PROCR: variants seen among roughly 807,000 people sequenced by gnomAD.
PROCR encodes the protein protein C receptor.
A neutral mutation model predicts 24.2 loss-of-function variants in PROCR; 22 were observed. That is an observed-to-expected ratio of 0.91 (90% CI 0.65 to 1.30). PROCR has a LOEUF of 1.30. Ranked by LOEUF, PROCR falls within the 50% of genes most tolerant of loss-of-function variation. The pLI, the probability that PROCR is intolerant of heterozygous loss-of-function variation, is 0.00. For missense variants in PROCR, 288 were observed against 307.7 expected (o/e 0.94, Z 0.48); for synonymous variants, 137 against 139.2 (o/e 0.98, Z 0.11).
chr20:35,210,647 T>A (rs1203308461), intron 1 of PROCR, among the ~76,000 whole-genome samples: 3 of 152,212 alleles, frequency 2.0e-5, no homozygotes, highest in Non-Finnish European at 1.5e-5. Context: ...AACTTTTTTT[T>A]AATTGCCCCG....
At chr20:35,207,483 A>G (rs6058204) in intron 1 of PROCR, among the ~76,000 whole-genome samples, 20 of 151,322 alleles carry the variant, frequency 1.3e-4, no homozygotes, top group African/African-American at 4.6e-4. Flanking sequence ...CAGATTTTGT[A>G]TTTGTACAAT....
intron 1 of PROCR, among the ~76,000 whole-genome samples, chr20:35,215,279 T>C (rs531580564): frequency 1.3e-5 from 2 of 152,174 alleles, no homozygotes; most frequent in African/African-American, 2.4e-5. Context: ...TTTGAACACG[T>C]GTGTGGTAAT....
Position 35,176,699 on chromosome 20 carries a change from GAGCCAAACA to G in PROCR, c.608_616del (p.Gln203_Ser205del), listed in dbSNP as rs1600735403. The G allele has an allele frequency of 6.2e-7, 1 of 1,607,800 alleles. No homozygotes were observed. Among genetic ancestry groups the G allele is most frequent in the Non-Finnish European group, 8.5e-7 (1 of 1,177,026 alleles). ...GCTAACTCTTTGCATGTTCTGCAGGGAGCCAAACAAGCCGCTCCTACACTTCGCTGGTCC... is the reference window on the plus strand; with the variant it reads ...GCTAACTCTTTGCATGTTCTGCAGGGAGCCGCTCCTACACTTCGCTGGTCC... On this transcript the variant is annotated inframe_deletion and splice_region_variant, in exon 4 of 4. Transcript: ENST00000216968.
chr20:35,177,272 A>G lies in PROCR; in HGVS notation c.*459A>G. 1 of 1,007,106 alleles carries G rather than the reference A, an allele frequency of 9.9e-7. No homozygotes were observed. Among genetic ancestry groups the G allele is most frequent in the Non-Finnish European group, 1.2e-6 (1 of 841,596 alleles). The allele number at this position is 1,007,106 out of a possible 1,614,324, so 62.4% of individuals were successfully genotyped here. ...AATAGGGTAGAAAGAAGTAACACGA[A>G]GAAGTGGTGGAAATGTAAAATCCAA... On this transcript the variant is annotated 3_prime_UTR_variant, in exon 4 of 4. Transcript: ENST00000216968.
intron 1 of PROCR, among the ~76,000 whole-genome samples, chr20:35,212,287 G>A (rs1319333919): frequency 6.6e-6 from 1 of 152,196 alleles, no homozygotes; most frequent in African/African-American, 2.4e-5. Context: ...GTGTCCAAGT[G>A]ACACTCAAGG....
At chr20:35,214,729 C>T (rs1316182321) in intron 1 of PROCR, among the ~76,000 whole-genome samples, 1 of 151,682 alleles carries the variant, frequency 6.6e-6, no homozygotes, top group South Asian at 2.1e-4. Flanking sequence ...GCATAGTGTC[C>T]CATTGTATGC....
Position 35,176,756 on chromosome 20 carries a change from C to T in PROCR, c.660C>T (p.Phe220=), listed in dbSNP as rs2086023819. 1 of 1,614,050 alleles carries T rather than the reference C, an allele frequency of 6.2e-7. No individual in the cohort carries two copies. The highest frequency in any genetic ancestry group is 8.5e-7 in the Non-Finnish European group (1 of 1,179,998). The change falls in exon 4 of 4, where the codon TTC becomes TTT. Residue 220 remains phenylalanine (F), a synonymous_variant. Coordinates refer to ENST00000216968, the MANE Select transcript of PROCR (RefSeq NM_006404.5). ...TCCTGGGCGTCCTGGTGGGCAGTTT[C>T]ATCATTGCTGGTGTGGCTGTAGGCA... is the stretch of plus-strand genomic sequence containing the variant. ...SLVLGVLVGS[F]IIAGVAVGIF...
intron 1 of PROCR, among the ~76,000 whole-genome samples, chr20:35,205,184 A>C (rs2060333332): frequency 6.6e-6 from 1 of 151,316 alleles, no homozygotes; most frequent in Admixed American, 6.6e-5. Flanking sequence ...GAGGCAGGAG[A>C]ATTGCTTGAA....
chr20:35,174,856 G>T lies in PROCR; in HGVS notation c.225G>T (p.Glu75Asp), dbSNP rs754071335. The change falls in exon 2 of 4, where the codon GAG (glutamate) becomes GAT (aspartate). Residue 75 changes from glutamate (E) to aspartate (D), a missense_variant. Coordinates refer to ENST00000216968, the MANE Select transcript of PROCR (RefSeq NM_006404.5). ...TTIIQLQPLQ[E>D]PESWARTQSG... ...TCATTCAGCTGCAGCCCTTGCAGGA[G>T]CCCGAGAGCTGGGCGCGCACGCAGA... 6.2e-7 allele frequency: 1 copy of T among 1,613,918 alleles called. No homozygotes were observed. Among genetic ancestry groups the T allele is most frequent in the Non-Finnish European group, 8.5e-7 (1 of 1,179,932 alleles).
At chr20:35,211,797 C>T (rs1048176909) in intron 1 of PROCR, among the ~76,000 whole-genome samples, 10 of 152,046 alleles carry the variant, frequency 6.6e-5, no homozygotes, top group South Asian at 6.2e-4. Flanking sequence ...GAGGATCACC[C>T]GAGATCAGGA....
At position 35,189,258 on chromosome 20, in the gene PROCR, C is replaced by T. The variant is rs540559424; in HGVS notation, c.94+12812C>T. On this transcript the variant is annotated intron_variant, in intron 1 of 1. Transcript: ENST00000634509. ...ATAATTAACAGCCCTGGGAAAAGAACGCATTCCGGGGGGGGGCCTCTAAAA... is the reference window on the plus strand; with the variant it reads ...ATAATTAACAGCCCTGGGAAAAGAATGCATTCCGGGGGGGGGCCTCTAAAA... Among the ~76,000 whole-genome samples, 9 of 112,044 alleles carry T rather than the reference C, an allele frequency of 8.0e-5. No individual in the cohort carries two copies. The South Asian group carries it at 1.2e-3, about 15-fold the overall frequency. The allele number at this position is 112,044 out of a possible 152,430, so 73.5% of individuals were successfully genotyped here.
At chr20:35,174,981 TCTGGGCGGGGCTAGTGGGGGCGGGGC>T (rs2085995658) in intron 2 of PROCR, 28 bp downstream of exon 2, 5 of 678,848 alleles carry the variant, frequency 7.4e-6, no homozygotes, top group East Asian at 7.1e-5. Flanking sequence ...GGGGGCGGGG[TCTGGGCGGGGCTAGTGGGGGCGGGGC>T]CTGGCGGGTG....
rs2086029311 is a variant in PROCR at position 35,177,230 on chromosome 20, G to A, written c.*417G>A. The A allele has an allele frequency of 9.4e-7, 1 of 1,062,996 alleles. No homozygotes were observed. Among genetic ancestry groups the A allele is most frequent in the Non-Finnish European group, 1.1e-6 (1 of 876,542 alleles). The allele number at this position is 1,062,996 out of a possible 1,614,324, so 65.8% of individuals were successfully genotyped here. On this transcript the variant is annotated 3_prime_UTR_variant, in exon 4 of 4. Coordinates refer to ENST00000216968, the MANE Select transcript of PROCR (RefSeq NM_006404.5). Reference sequence around the variant, plus strand: ...AATACTTCCAGGTGTGTCAGACTTGGGATGGGACGCTGATATAATAGGGTA... The same window carrying A: ...AATACTTCCAGGTGTGTCAGACTTGAGATGGGACGCTGATATAATAGGGTA...
intron 1 of PROCR, among the ~76,000 whole-genome samples, chr20:35,210,190 T>C (rs1421423354): frequency 6.6e-6 from 1 of 152,006 alleles, no homozygotes; most frequent in Non-Finnish European, 1.5e-5. Context: ...CATGCCACTA[T>C]ACTTCTACCT....
chr20:35,211,884 C>T (rs1428990514), intron 1 of PROCR, among the ~76,000 whole-genome samples: 1 of 152,072 alleles, frequency 6.6e-6, no homozygotes, highest in Non-Finnish European at 1.5e-5. Flanking sequence ...GGTGTGGTGG[C>T]TCACAACTGT....
chr20:35,172,854 C>G (rs374133894), intron 1 of PROCR, among the ~76,000 whole-genome samples: 1 of 152,116 alleles, frequency 6.6e-6, no homozygotes, highest in South Asian at 2.1e-4. Context: ...TCACAATCCC[C>G]GTAACTTCAG....
intron 1 of PROCR, among the ~76,000 whole-genome samples, chr20:35,212,398 T>G (rs914005761): frequency 1.3e-5 from 2 of 152,326 alleles, no homozygotes; most frequent in African/African-American, 4.8e-5. Flanking sequence ...GTCATCATTT[T>G]GAAATTCTTA....
At chr20:35,208,799 A>G (rs2060351343) in intron 1 of PROCR, among the ~76,000 whole-genome samples, 2 of 152,050 alleles carry the variant, frequency 1.3e-5, no homozygotes, top group Non-Finnish European at 2.9e-5. Flanking sequence ...ACATGGTGAA[A>G]CCCCACCTCT....
chr20:35,206,038 T>C (rs1248092878), intron 1 of PROCR, among the ~76,000 whole-genome samples: 1 of 150,928 alleles, frequency 6.6e-6, no homozygotes, highest in Non-Finnish European at 1.5e-5. Flanking sequence ...AAAAATTTTA[T>C]TTTATTTTAT....
Sources: gnomAD v4.1 joint callset for allele counts (sites outside exome capture counted in the v4.1 genomes callset) on GRCh38, gnomAD v4.1.1 for gene constraint, MANE v1.5 for transcripts, NCBI Gene and HGNC (gene_info 2026-07-23, HGNC 2026-07-21) for gene names.